The following DNAH11 variants were observed in gnomAD, a reference collection of about 807,000 sequenced individuals.
The protein encoded by DNAH11 is axonemal beta dynein heavy chain 11.
DNAH11 carries 442 observed loss-of-function variants against 526.0 expected under a neutral mutation model. The observed-to-expected ratio is 0.84, with a 90% CI of 0.78 to 0.91. The LOEUF (loss-of-function observed/expected upper bound fraction) is 0.91. Among genes scored for constraint, DNAH11 ranks in the 40% least tolerant of loss-of-function variants. DNAH11 has a pLI of 0.00. For synonymous variants in DNAH11, 2,461 were observed against 1,935.9 expected (o/e 1.27, Z -7.12); for missense variants, 6,989 against 5,448.7 (o/e 1.28, Z -8.90).
chr7:21,791,899 T>C, intron 61 of DNAH11, among the ~76,000 whole-genome samples: 1 of 152,216 alleles, frequency 6.6e-6, no homozygotes, highest in South Asian at 2.1e-4. Flanking sequence ...TACCTGATAC[T>C]GGGTAACTTA....
chr7:21,762,994 C>T (rs1016575237), intron 54 of DNAH11, among the ~76,000 whole-genome samples: 4 of 152,078 alleles, frequency 2.6e-5, no homozygotes, highest in Non-Finnish European at 4.4e-5. Context: ...AATTAATTCA[C>T]ATTTTAAAAT....
chr7:21,627,398 T>C (rs955082929), intron 25 of DNAH11, among the ~76,000 whole-genome samples: 1 of 152,188 alleles, frequency 6.6e-6, no homozygotes, highest in Non-Finnish European at 1.5e-5. Flanking sequence ...CTTCTAGTAG[T>C]TTTATAGTTT....
In DNAH11 at chr7:21,543,039, G is replaced by C. The variant is rs1300279783; in HGVS notation, c.-207G>C. 6.6e-6 allele frequency among the ~76,000 whole-genome samples: 1 copy of C among 152,194 alleles called. No individual in the cohort carries two copies. Among genetic ancestry groups the C allele is most frequent in the East Asian group, 1.9e-4 (1 of 5,164 alleles). ...CCCCGGGAAACGGGACGCGCTGCTT[G>C]TCCCAGGCCTTCGCTTCGGCCTGCG... On this transcript the variant is annotated 5_prime_UTR_variant, in exon 1 of 82. Transcript: ENST00000409508.
At chr7:21,650,206 T>C (rs1244048079) in intron 28 of DNAH11, among the ~76,000 whole-genome samples, 1 of 152,200 alleles carries the variant, frequency 6.6e-6, no homozygotes, top group South Asian at 2.1e-4. Flanking sequence ...TGCACTGATA[T>C]ACGGATATGT....
At chr7:21,593,952 C>G (rs1211520194) in intron 14 of DNAH11, among the ~76,000 whole-genome samples, 1 of 151,412 alleles carries the variant, frequency 6.6e-6, no homozygotes, top group Non-Finnish European at 1.5e-5. Flanking sequence ...CACACACATA[C>G]TCTTTTTCTC....
chr7:21,588,567 T>C lies in DNAH11; in HGVS notation c.1904T>C (p.Met635Thr), dbSNP rs759046686. 2.7e-5 allele frequency: 43 copies of C among 1,613,560 alleles called. 1 individual carries two copies. Among genetic ancestry groups the C allele is most frequent in the Middle Eastern group, 1.6e-4 (1 of 6,082 alleles). Residue 635 changes from methionine (M) to threonine (T), a missense_variant, in exon 11 of 82, where the codon ATG (methionine) becomes ACG (threonine). Physicochemically the swap from Met to Thr is moderately conservative, Grantham distance 81 (BLOSUM62 -1). Coordinates refer to ENST00000409508, the MANE Select transcript of DNAH11 (RefSeq NM_001277115.2). ...NKNMPFTSGN[M>T]KWAQQVLQRL... ...AACATGCCATTTACCTCAGGAAATA[T>C]GAAATGGGCCCAGCAGGTTCTCCAA...
intron 9 of DNAH11, among the ~76,000 whole-genome samples, chr7:21,585,492 T>C (rs1784452008): frequency 6.6e-6 from 1 of 152,210 alleles, no homozygotes; most frequent in South Asian, 2.1e-4. Context: ...GTCACAGACA[T>C]GGCCAGGAAG....
At chr7:21,801,580 G>A (rs146526650) in intron 62 of DNAH11, among the ~76,000 whole-genome samples, 1 of 152,334 alleles carries the variant, frequency 6.6e-6, no homozygotes, top group African/African-American at 2.4e-5. Flanking sequence ...TACATCAGCT[G>A]TGGGTGGGTT....
At chr7:21,858,721 G>T (rs1782948673) in intron 68 of DNAH11, among the ~76,000 whole-genome samples, 1 of 152,192 alleles carries the variant, frequency 6.6e-6, no homozygotes, top group South Asian at 2.1e-4. Context: ...GGCGATGGTG[G>T]TGGGAATAGG....
intron 61 of DNAH11, among the ~76,000 whole-genome samples, chr7:21,800,466 C>T (rs1788932045): frequency 6.6e-6 from 1 of 152,042 alleles, no homozygotes; most frequent in Non-Finnish European, 1.5e-5. Flanking sequence ...ACCTCATCTC[C>T]ACTAAATCTA....
chr7:21,848,231 C>G (rs1246778475), intron 66 of DNAH11, among the ~76,000 whole-genome samples: 1 of 150,040 alleles, frequency 6.7e-6, no homozygotes, highest in Non-Finnish European at 1.5e-5. Context: ...ATGTAATGCA[C>G]TTCTTTGTTC....
At chr7:21,896,677 G>C (rs1784525677) in intron 79 of DNAH11, among the ~76,000 whole-genome samples, 1 of 152,160 alleles carries the variant, frequency 6.6e-6, no homozygotes, top group Non-Finnish European at 1.5e-5. Context: ...AACGTTTTCA[G>C]TGTGTCTTTC....
chr7:21,629,744 C>T (rs1338816007), intron 25 of DNAH11, among the ~76,000 whole-genome samples: 1 of 152,032 alleles, frequency 6.6e-6, no homozygotes, highest in Non-Finnish European at 1.5e-5. Flanking sequence ...GCTACTCTTA[C>T]TCTTTTTTGG....
At chr7:21,567,711 G>A (rs1026737742) in intron 6 of DNAH11, among the ~76,000 whole-genome samples, 2 of 152,230 alleles carry the variant, frequency 1.3e-5, no homozygotes, top group South Asian at 4.1e-4. Flanking sequence ...CCTATGACGG[G>A]AATGCCAGTC....
chr7:21,649,553 G>A (rs1260464484), intron 28 of DNAH11, among the ~76,000 whole-genome samples: 1 of 152,072 alleles, frequency 6.6e-6, no homozygotes, highest in African/African-American at 2.4e-5. Context: ...ATGCAAAAGA[G>A]TACGTACTAT....
At chr7:21,760,751 G>T (rs10281087) in intron 54 of DNAH11, among the ~76,000 whole-genome samples, 65,375 of 151,908 alleles carry the variant, frequency 0.43, 14,400 homozygotes, top group Non-Finnish European at 0.47. Context: ...CTGGTAGCTG[G>T]ATCTGCAGTG....
chr7:21,719,886 C>G (rs1410415658), intron 43 of DNAH11, among the ~76,000 whole-genome samples: 1 of 152,156 alleles, frequency 6.6e-6, no homozygotes, highest in African/African-American at 2.4e-5. Context: ...TGTAACAGTG[C>G]TAATTAATGA....
intron 61 of DNAH11, among the ~76,000 whole-genome samples, chr7:21,796,625 A>G (rs1788725077): frequency 6.6e-6 from 1 of 152,200 alleles, no homozygotes; most frequent in Non-Finnish European, 1.5e-5. Context: ...GGGAACCATC[A>G]CCTGGAACAA....
chr7:21,684,657 T>G (rs1467034239), intron 32 of DNAH11, among the ~76,000 whole-genome samples: 1 of 152,108 alleles, frequency 6.6e-6, no homozygotes, highest in Non-Finnish European at 1.5e-5. Flanking sequence ...GTTTCCAAGG[T>G]GGGAAGACAC....
Sources: gnomAD v4.1 joint callset for allele counts (sites outside exome capture counted in the v4.1 genomes callset) on GRCh38, gnomAD v4.1.1 for gene constraint, MANE v1.5 for transcripts, NCBI Gene and HGNC (gene_info 2026-07-23, HGNC 2026-07-21) for gene names.